Variants in SPECC1L observed in about 807,000 individuals in gnomAD.
The protein encoded by SPECC1L is sperm antigen with calponin homology and coiled-coil domains 1 like.
A neutral mutation model predicts 116.8 loss-of-function variants in SPECC1L; 40 were observed. The observed-to-expected ratio is 0.34, with a 90% CI of 0.27 to 0.45. The LOEUF (loss-of-function observed/expected upper bound fraction) is 0.45, where lower values mean the gene tolerates loss of function less well. Ranked by LOEUF, SPECC1L falls within the 20% of genes least tolerant of loss-of-function variation. The pLI, the probability that SPECC1L is intolerant of heterozygous loss-of-function variation, is 1.00. For synonymous variants in SPECC1L, 504 were observed against 500.6 expected, an observed-to-expected ratio of 1.01 and a Z score of -0.09; for missense variants, 1,110 against 1,373.6, an observed-to-expected ratio of 0.81 and a Z score of 3.03.
At chr22:24,303,251 G>A (rs2049418338) in intron 3 of SPECC1L, among the ~76,000 whole-genome samples, 1 of 152,184 alleles carries the variant, frequency 6.6e-6, no homozygotes, top group African/African-American at 2.4e-5. Flanking sequence ...GGAAATGCTG[G>A]TTTTTCTATT....
chr22:24,413,726 T>C (rs2042746697), intron 16 of SPECC1L, among the ~76,000 whole-genome samples: 1 of 152,210 alleles, frequency 6.6e-6, no homozygotes, highest in Admixed American at 6.5e-5. Context: ...GCAGGCCTTT[T>C]TCCCACCCTC....
chr22:24,346,384 C>G (rs185514421), intron 10 of SPECC1L, among the ~76,000 whole-genome samples: 176 of 152,298 alleles, frequency 1.2e-3, no homozygotes, highest in African/African-American at 4.0e-3. Flanking sequence ...TAGTGCTGCA[C>G]TGAGATGACA....
chr22:24,317,987 C>T (rs1157007441), intron 4 of SPECC1L, among the ~76,000 whole-genome samples: 1 of 151,572 alleles, frequency 6.6e-6, no homozygotes, highest in Non-Finnish European at 1.5e-5. Context: ...AGGCGCTCCT[C>T]ACTTCCTAGA....
At chr22:24,375,783 T>C (rs2041959569) in intron 14 of SPECC1L, among the ~76,000 whole-genome samples, 1 of 152,056 alleles carries the variant, frequency 6.6e-6, no homozygotes, top group Admixed American at 6.6e-5. Flanking sequence ...CAAAACTCCA[T>C]CTTTACTAAT....
intron 11 of SPECC1L, among the ~76,000 whole-genome samples, chr22:24,359,153 T>C (rs1398663709): frequency 6.6e-6 from 1 of 152,196 alleles, no homozygotes; most frequent in Non-Finnish European, 1.5e-5. Context: ...CTTTCTTCCT[T>C]ACTCTTGCTC....
At chr22:24,292,164 CTT>C (rs1569406823) in intron 2 of SPECC1L, among the ~76,000 whole-genome samples, 1 of 152,172 alleles carries the variant, frequency 6.6e-6, no homozygotes, top group African/African-American at 2.4e-5. Flanking sequence ...TTGGAGCTCT[CTT>C]GTGGTATCCA....
chr22:24,341,249 A>T (rs2041171422), intron 10 of SPECC1L, among the ~76,000 whole-genome samples: 1 of 152,206 alleles, frequency 6.6e-6, no homozygotes, highest in African/African-American at 2.4e-5. Flanking sequence ...TCTTTTCCTG[A>T]ATACCAACCT....
chr22:24,338,580 A>G (rs2041109326), intron 10 of SPECC1L, 103 bp downstream of exon 10: 2 of 930,744 alleles, frequency 2.1e-6, no homozygotes, highest in African/African-American at 1.6e-5. Context: ...GTAAATGACT[A>G]CCTCAGCAGG....
At chr22:24,316,155 CTG>C (rs2040559232) in intron 4 of SPECC1L, among the ~76,000 whole-genome samples, 2 of 152,364 alleles carry the variant, frequency 1.3e-5, no homozygotes, top group Non-Finnish European at 2.9e-5. Context: ...TTTCCTAAGA[CTG>C]TTTGATTTCC....
intron 2 of SPECC1L, among the ~76,000 whole-genome samples, chr22:24,289,808 G>C (rs897750334): frequency 6.6e-6 from 1 of 150,980 alleles, no homozygotes; most frequent in South Asian, 2.1e-4. Context: ...TTCTGTCCAC[G>C]TGGGGTTATT....
At chr22:24,297,436 G>C (rs1569409706) in intron 2 of SPECC1L, among the ~76,000 whole-genome samples, 2 of 151,960 alleles carry the variant, frequency 1.3e-5, no homozygotes, top group Non-Finnish European at 2.9e-5. Flanking sequence ...ACTAGTCTTG[G>C]TTCTCTCAAG....
chr22:24,365,539 CCT>C lies in SPECC1L; in HGVS notation c.2896_2897del (p.Leu966AspfsTer66), dbSNP rs2041744994. On this transcript the variant is annotated frameshift_variant, in exon 13 of 17. Coordinates refer to ENST00000314328, the MANE Select transcript of SPECC1L (RefSeq NM_015330.6). LOFTEE classifies it high-confidence loss of function. ...TCTGCACAGGAGGGAGCGTCGCCAG[CCT>C]CTCTGATGGCTATGGGAACCACGTC... 1 of 1,613,974 alleles carries C rather than the reference CCT, an allele frequency of 6.2e-7. No homozygotes were observed. The highest frequency in any genetic ancestry group is 1.7e-5 in the Admixed American group (1 of 59,996).
intron 9 of SPECC1L, 59 bp from the exon 10 acceptor site, chr22:24,338,326 AC>A (rs1441138506): frequency 2.0e-6 from 3 of 1,523,086 alleles, no homozygotes; most frequent in Non-Finnish European, 1.8e-6. Flanking sequence ...TTAAGTGGAG[AC>A]CAGTTAAGCT....
In SPECC1L at chr22:24,312,162, G is replaced by A. The variant is rs1601534806; in HGVS notation, c.154-1151G>A. Reference sequence around the variant, plus strand: ...TAGTTTTCAAATTTTTTGTAGAAACGGAATCTCCCTATGTTGCCCAGGCTG... The same window carrying A: ...TAGTTTTCAAATTTTTTGTAGAAACAGAATCTCCCTATGTTGCCCAGGCTG... On this transcript the variant is annotated intron_variant, in intron 3 of 16. Coordinates refer to ENST00000314328, the MANE Select transcript of SPECC1L (RefSeq NM_015330.6). Among the ~76,000 whole-genome samples, 6 of 152,224 alleles carry A rather than the reference G, an allele frequency of 3.9e-5. No homozygotes were observed. The South Asian group carries it at 1.0e-3, about 26-fold the overall frequency.
At chr22:24,375,979 CA>C (rs908217455) in intron 14 of SPECC1L, among the ~76,000 whole-genome samples, 84 of 150,322 alleles carry the variant, frequency 5.6e-4, no homozygotes, top group African/African-American at 1.7e-3. Context: ...ACAAAAAAAA[CA>C]AAAAAAACCC....
intron 7 of SPECC1L, among the ~76,000 whole-genome samples, chr22:24,329,130 CT>C (rs1246547336): frequency 1.3e-5 from 2 of 152,150 alleles, no homozygotes; most frequent in African/African-American, 4.8e-5. Flanking sequence ...TTGAGTACCC[CT>C]AACCAGACAT....
chr22:24,388,994 C>T (rs1419784933), intron 14 of SPECC1L, among the ~76,000 whole-genome samples: 1 of 151,998 alleles, frequency 6.6e-6, no homozygotes, highest in Non-Finnish European at 1.5e-5. Context: ...CTGTCCCAGA[C>T]ATTTCATGTA....
chr22:24,320,410 GCAT>G (rs1863066527), intron 4 of SPECC1L, among the ~76,000 whole-genome samples: 1 of 152,094 alleles, frequency 6.6e-6, no homozygotes, highest in Non-Finnish European at 1.5e-5. Flanking sequence ...TTTGATTGAC[GCAT>G]CATCATTATT....
At chr22:24,275,030 A>G (rs1368467725) in intron 1 of SPECC1L, among the ~76,000 whole-genome samples, 3 of 152,168 alleles carry the variant, frequency 2.0e-5, no homozygotes, top group African/African-American at 7.2e-5. Context: ...CCTCCGATTA[A>G]ATTAATGTTC....
Sources: gnomAD v4.1 joint callset for allele counts (sites outside exome capture counted in the v4.1 genomes callset) on GRCh38, gnomAD v4.1.1 for gene constraint, MANE v1.5 for transcripts, NCBI Gene and HGNC (gene_info 2026-07-23, HGNC 2026-07-21) for gene names.